The following GPC6 variants were observed in gnomAD, a reference collection of about 807,000 sequenced individuals.
The protein encoded by GPC6 is glypican-6.
Under a neutral mutation model 55.2 loss-of-function variants are expected in GPC6, and 14 were observed. That is an observed-to-expected ratio of 0.25 (90% confidence interval 0.17 to 0.40). The LOEUF is 0.40. Ranked by LOEUF, GPC6 falls within the 10% of genes least tolerant of loss-of-function variation. GPC6 has a pLI of 1.00. For synonymous variants in GPC6, 278 were observed against 259.6 expected (o/e 1.07, Z -0.68); for missense variants, 641 against 708.5 (o/e 0.90, Z 1.08).
At chr13:93,817,191 A>G (rs977644566) in intron 2 of GPC6, among the ~76,000 whole-genome samples, 1 of 152,228 alleles carries the variant, frequency 6.6e-6, no homozygotes, top group Non-Finnish European at 1.5e-5. Flanking sequence ...GACGTTGATG[A>G]TAATAATAAC....
intron 4 of GPC6, among the ~76,000 whole-genome samples, chr13:94,167,451 A>G (rs1014752824): frequency 1.3e-5 from 2 of 152,210 alleles, no homozygotes; most frequent in Non-Finnish European, 2.9e-5. Flanking sequence ...TTAAATGGTC[A>G]TCTAAGAAAT....
intron 4 of GPC6, among the ~76,000 whole-genome samples, chr13:94,099,455 G>A (rs1392866153): frequency 2.0e-5 from 3 of 152,124 alleles, no homozygotes; most frequent in African/African-American, 7.2e-5. Flanking sequence ...AACTGAAGGT[G>A]TATATAGGAG....
intron 3 of GPC6, among the ~76,000 whole-genome samples, chr13:93,981,556 G>A (rs1166614137): frequency 1.3e-5 from 2 of 152,132 alleles, no homozygotes; most frequent in South Asian, 4.2e-4. Flanking sequence ...AAATCCTATC[G>A]CTCTTTGCAT....
intron 2 of GPC6, among the ~76,000 whole-genome samples, chr13:93,787,666 TC>T (rs1885856271): frequency 6.6e-6 from 1 of 152,362 alleles, no homozygotes; most frequent in Admixed American, 6.5e-5. Flanking sequence ...ATTTATCTTT[TC>T]CTTTTTGCTA....
intron 2 of GPC6, among the ~76,000 whole-genome samples, chr13:93,612,446 C>A (rs1878513940): frequency 6.7e-6 from 1 of 150,022 alleles, no homozygotes; most frequent in Admixed American, 6.7e-5. Flanking sequence ...TTGCAGTGAG[C>A]CAAGATTGCG....
rs777653136 is a variant in GPC6, at chr13:94,067,474, G to GTCTCTCTCTC, written c.877+39583_877+39584insCTCTCTCTCT. Among the ~76,000 whole-genome samples, 298 of 142,254 alleles carry GTCTCTCTCTC rather than the reference G, an allele frequency of 2.1e-3. 2 individuals carry two copies. The highest frequency in any genetic ancestry group is 7.2e-3 in the African/African-American group (288 of 40,114). The allele number at this position is 142,254 out of a possible 152,430, so 93.3% of individuals were successfully genotyped here. A position where few individuals can be genotyped will look rare whatever the true frequency, so the allele number is the denominator to read the frequency against. ...ATGAAACATAGGCCTCTCTCTGTCT[G>GTCTCTCTCTC]TCTGTCTCTCTCTCTCTCTCTCTCT... On this transcript the variant is annotated intron_variant, in intron 4 of 8. Coordinates refer to ENST00000377047, the MANE Select transcript of GPC6 (RefSeq NM_005708.5).
At chr13:93,854,247 A>G (rs574146254) in intron 3 of GPC6, among the ~76,000 whole-genome samples, 4 of 151,790 alleles carry the variant, frequency 2.6e-5, no homozygotes, top group African/African-American at 7.2e-5. Context: ...GGGAACAGCA[A>G]TAATCTTTTT....
intron 3 of GPC6, among the ~76,000 whole-genome samples, chr13:93,979,317 GTT>G (rs1491319597): frequency 7.1e-4 from 94 of 131,906 alleles, no homozygotes; most frequent in African/African-American, 2.2e-3. Flanking sequence ...GTGTGTGTGT[GTT>G]TGTGTGTGTT....
At position 93,931,970 on chromosome 13, in the gene GPC6, A is replaced by G. The variant is rs538907348; in HGVS notation, c.712-95759A>G. ...GTTGCGGGATAGAGGACTTGGAGCT[A>G]CAGCTGTCCAACTCCAAAGCCTTAA... On this transcript the variant is annotated intron_variant, in intron 3 of 8. Coordinates refer to ENST00000377047, the MANE Select transcript of GPC6 (RefSeq NM_005708.5). 1.1e-4 allele frequency among the ~76,000 whole-genome samples: 17 copies of G among 152,254 alleles called. No homozygotes were observed. In the South Asian group the frequency reaches 2.1e-3, roughly 19 times the overall value.
chr13:93,309,974 T>C (rs112778687), intron 1 of GPC6, among the ~76,000 whole-genome samples: 2 of 152,296 alleles, frequency 1.3e-5, no homozygotes, highest in African/African-American at 4.8e-5. Flanking sequence ...ACAAAGCATT[T>C]TGTAAGAAGG....
chr13:93,381,948 G>A (rs75401463), intron 1 of GPC6, among the ~76,000 whole-genome samples: 7,613 of 151,820 alleles, frequency 0.05, 272 homozygotes, highest in Non-Finnish European at 0.073. Context: ...GATTTTCTCC[G>A]GAGAAAATAT....
chr13:93,398,612 G>A (rs956743010), intron 1 of GPC6, among the ~76,000 whole-genome samples: 2 of 152,106 alleles, frequency 1.3e-5, no homozygotes, highest in African/African-American at 4.8e-5. Flanking sequence ...GGTATGGCAT[G>A]TGTGGAATAA....
chr13:93,422,668 G>T (rs1361530551), intron 1 of GPC6, among the ~76,000 whole-genome samples: 1 of 152,140 alleles, frequency 6.6e-6, no homozygotes, highest in African/African-American at 2.4e-5. Context: ...AAGACAGGCA[G>T]ATTTAGTTGG....
intron 1 of GPC6, among the ~76,000 whole-genome samples, chr13:93,284,904 G>A (rs1345619006): frequency 6.6e-6 from 1 of 152,178 alleles, no homozygotes; most frequent in African/African-American, 2.4e-5. Flanking sequence ...TATGGTCTGG[G>A]AAATGAGAAA....
At chr13:93,441,257 G>A (rs981163758) in intron 1 of GPC6, among the ~76,000 whole-genome samples, 1 of 151,402 alleles carries the variant, frequency 6.6e-6, no homozygotes, top group African/African-American at 2.5e-5. Flanking sequence ...CTAGATCCTT[G>A]AGGAACCACC....
At chr13:94,402,323 A>C (rs185018240) in intron 8 of GPC6, among the ~76,000 whole-genome samples, 1 of 152,354 alleles carries the variant, frequency 6.6e-6, no homozygotes, top group East Asian at 1.9e-4. Context: ...AATTTCTTAA[A>C]CTTAAGTACT....
At chr13:94,131,008 T>C (rs1234590622) in intron 4 of GPC6, among the ~76,000 whole-genome samples, 7 of 152,148 alleles carry the variant, frequency 4.6e-5, no homozygotes, top group Non-Finnish European at 8.8e-5. Flanking sequence ...TCTGAATTAA[T>C]GAATTGCAAA....
At chr13:94,112,752 C>G (rs192240868) in intron 4 of GPC6, among the ~76,000 whole-genome samples, 1 of 152,236 alleles carries the variant, frequency 6.6e-6, no homozygotes, top group African/African-American at 2.4e-5. Flanking sequence ...TTGGAGCTGA[C>G]ACTCTTCTTA....
At chr13:93,676,172 TACACACACACACACACAC>T (rs771597800) in intron 2 of GPC6, among the ~76,000 whole-genome samples, 2 of 72,364 alleles carry the variant, frequency 2.8e-5, no homozygotes, top group Non-Finnish European at 5.2e-5. Flanking sequence ...TATATATACA[TACACACACACACACACAC>T]ATATATATGT....
Sources: gnomAD v4.1 joint callset for allele counts (sites outside exome capture counted in the v4.1 genomes callset) on GRCh38, gnomAD v4.1.1 for gene constraint, MANE v1.5 for transcripts, NCBI Gene and HGNC (gene_info 2026-07-23, HGNC 2026-07-21) for gene names.